Variants in DAB1 observed in about 807,000 individuals in gnomAD.
DAB1 encodes the protein DAB adaptor protein 1.
DAB1 carries 15 observed loss-of-function variants against 64.6 expected under a neutral mutation model. The ratio of observed to expected loss-of-function variants is 0.23; its 90% CI spans 0.16 to 0.36. DAB1 has a LOEUF of 0.36. Ranked by LOEUF, DAB1 falls within the 10% of genes least tolerant of loss-of-function variation. The pLI is 1.00. For missense variants in DAB1, 596 were observed against 706.7 expected (o/e 0.84, Z 1.78); for synonymous variants, 235 against 251.9 (o/e 0.93, Z 0.64).
At chr1:58,037,915 G>A (rs72924339) in intron 5 of DAB1, among the ~76,000 whole-genome samples, 10,424 of 152,112 alleles carry the variant, frequency 0.069, 1,216 homozygotes, top group African/African-American at 0.24. Flanking sequence ...TAAGCTAGGT[G>A]TTAATGGCCC....
intron 2 of DAB1, among the ~76,000 whole-genome samples, chr1:57,229,784 G>A (rs992219892): frequency 1.8e-4 from 28 of 152,118 alleles, no homozygotes; most frequent in Admixed American, 1.8e-3. Flanking sequence ...GAAACACATT[G>A]TTACTTTCAT....
chr1:57,773,224 A>AT (rs1160527433), intron 6 of DAB1, among the ~76,000 whole-genome samples: 1 of 151,840 alleles, frequency 6.6e-6, no homozygotes, highest in Non-Finnish European at 1.5e-5. Flanking sequence ...TTAACATAGC[A>AT]TTTTTTCATG....
intron 5 of DAB1, among the ~76,000 whole-genome samples, chr1:57,990,242 C>T (rs192136359): frequency 3.7e-4 from 57 of 152,304 alleles, no homozygotes; most frequent in African/African-American, 1.3e-3. Context: ...TTATTAAACA[C>T]TTACTACTGC....
chr1:57,635,090 C>T (rs1646035568), intron 7 of DAB1, among the ~76,000 whole-genome samples: 1 of 152,050 alleles, frequency 6.6e-6, no homozygotes, highest in Non-Finnish European at 1.5e-5. Context: ...TAGCAGCTAA[C>T]GGAGGTGAGG....
At chr1:57,002,277 T>A (rs189161217) in intron 14 of DAB1, among the ~76,000 whole-genome samples, 2 of 152,304 alleles carry the variant, frequency 1.3e-5, no homozygotes, top group East Asian at 3.9e-4. Context: ...TAGCTTAGTG[T>A]TCTCCTGCCA....
rs565447239 is a variant in DAB1 at position 57,530,052 on chromosome 1, C to T, written n.625+119540G>A. ...CACAGCCCCTTATGATTAAAGCATC[C>T]ATAGACTAGTTGAGAATCCAGAGTA... On this transcript the variant is annotated intron_variant and non_coding_transcript_variant, in intron 7 of 20. Coordinates refer to the DAB1 transcript ENST00000485760. 9.4e-4 allele frequency among the ~76,000 whole-genome samples: 143 copies of T among 152,074 alleles called. 1 individual carries two copies. The highest frequency in any genetic ancestry group is 6.8e-3 in the Middle Eastern group (2 of 294).
chr1:58,434,412 G>GAA (rs35881373), intron 3 of DAB1, among the ~76,000 whole-genome samples: 52,386 of 140,096 alleles, frequency 0.37, 10,075 homozygotes, highest in African/African-American at 0.53. Context: ...ATGAGAAAAA[G>GAA]AAAAAAAAAA....
chr1:57,950,337 T>C (rs1645253805), intron 5 of DAB1, among the ~76,000 whole-genome samples: 1 of 152,142 alleles, frequency 6.6e-6, no homozygotes, highest in Admixed American at 6.5e-5. Context: ...CCTTAATAAA[T>C]GTTAGCAATT....
At chr1:57,088,111 C>A (rs751198857) in intron 4 of DAB1, among the ~76,000 whole-genome samples, 1 of 152,198 alleles carries the variant, frequency 6.6e-6, no homozygotes, top group Non-Finnish European at 1.5e-5. Context: ...GCTCTTGTTG[C>A]CCAGGCTGGA....
intron 7 of DAB1, among the ~76,000 whole-genome samples, chr1:57,648,756 G>T (rs1328945219): frequency 6.6e-6 from 1 of 152,128 alleles, no homozygotes; most frequent in South Asian, 2.1e-4. Context: ...TGCTTGTCTG[G>T]CTGGAGAAGA....
At chr1:57,178,509 T>A (rs1459321022) in intron 2 of DAB1, among the ~76,000 whole-genome samples, 3 of 152,228 alleles carry the variant, frequency 2.0e-5, no homozygotes, top group African/African-American at 4.8e-5. Context: ...TGCCAGCATT[T>A]ACATGAAATT....
chr1:57,436,942 G>T (rs1337731537), intron 7 of DAB1, among the ~76,000 whole-genome samples: 1 of 151,214 alleles, frequency 6.6e-6, no homozygotes, highest in Non-Finnish European at 1.5e-5. Context: ...GCAGGAGAAT[G>T]GTGTGAACCT....
In DAB1 at chr1:57,014,937, T is replaced by C; in HGVS notation, c.1390A>G (p.Ile464Val). Residue 464 changes from isoleucine (I) to valine (V), a missense_variant, in exon 12 of 15, where the codon ATC becomes GTC. Ile to Val is a conservative substitution (Grantham distance 29). This residue lies in a region of DAB1 where 377 missense variants were observed against 400.4 expected (regional missense o/e 0.94). Transcript: ENST00000371236. ...QDTDDCDDFD[I>V]SQLNLTPVTS... ...ACAGGGGTCAAATTCAACTGGGAGATGTCAAAGTCATCACAGTCGTCTGTA... is the reference window on the plus strand; with the variant it reads ...ACAGGGGTCAAATTCAACTGGGAGACGTCAAAGTCATCACAGTCGTCTGTA... 6.2e-7 allele frequency: 1 copy of C among 1,609,242 alleles called. No individual in the cohort carries two copies. The highest frequency in any genetic ancestry group is 8.5e-7 in the Non-Finnish European group (1 of 1,177,482).
intron 5 of DAB1, among the ~76,000 whole-genome samples, chr1:58,039,588 C>A (rs541031761): frequency 6.6e-6 from 1 of 152,036 alleles, no homozygotes; most frequent in African/African-American, 2.4e-5. Context: ...CCGCTCAGAG[C>A]CTTCTGTTCC....
At chr1:57,238,877 A>ACG (rs1668300037) in intron 2 of DAB1, among the ~76,000 whole-genome samples, 1 of 151,602 alleles carries the variant, frequency 6.6e-6, no homozygotes, top group Non-Finnish European at 1.5e-5. Context: ...ACACACACAC[A>ACG]CACACACACA....
chr1:57,730,367 T>C (rs958435521), intron 6 of DAB1, among the ~76,000 whole-genome samples: 2 of 152,238 alleles, frequency 1.3e-5, no homozygotes, highest in Non-Finnish European at 2.9e-5. Context: ...TCTTAACTCC[T>C]GAGCAGCTAC....
At position 58,300,586 on chromosome 1, in the gene DAB1, AAGAAAGAAAGAAAGAAAGAAAGAAAGAG is replaced by A. The variant is rs1237091209; in HGVS notation, n.309+42738_309+42765del. On this transcript the variant is annotated intron_variant and non_coding_transcript_variant, in intron 4 of 20. Transcript: ENST00000485760. ...AAAGAAAGAAAGAAAGAAAGAAAGA[AAGAAAGAAAGAAAGAAAGAAAGAAAGAG>A]AGAGAGAGAGAGAGAGAGAGAGAGA... Among the ~76,000 whole-genome samples, 145 of 25,806 alleles carry A rather than the reference AAGAAAGAAAGAAAGAAAGAAAGAAAGAG, an allele frequency of 5.6e-3. 3 individuals are homozygous for A. Among genetic ancestry groups the A allele is most frequent in the African/African-American group, 0.014 (131 of 9,558 alleles). The allele number at this position is 25,806 out of a possible 152,430, so 16.9% of individuals were successfully genotyped here. A position where few individuals can be genotyped will look rare whatever the true frequency, so the allele number is the denominator to read the frequency against.
chr1:57,204,381 C>T (rs1037959672), intron 2 of DAB1, among the ~76,000 whole-genome samples: 1 of 150,152 alleles, frequency 6.7e-6, no homozygotes, highest in Non-Finnish European at 1.5e-5. Flanking sequence ...CTCACACCTA[C>T]GCAGACCCTA....
At chr1:57,810,588 C>A (rs1651573609) in intron 6 of DAB1, among the ~76,000 whole-genome samples, 1 of 152,064 alleles carries the variant, frequency 6.6e-6, no homozygotes, top group African/African-American at 2.4e-5. Flanking sequence ...CCTGGCCTTA[C>A]CTCTTTCATT....
Sources: gnomAD v4.1 joint callset for allele counts (sites outside exome capture counted in the v4.1 genomes callset) on GRCh38, gnomAD v4.1.1 for gene constraint, gnomAD v4.1.1 regional missense constraint, MANE v1.5 for transcripts, NCBI Gene and HGNC (gene_info 2026-07-23, HGNC 2026-07-21) for gene names.